CHLSN: variants seen among roughly 807,000 people sequenced by gnomAD.
CHLSN encodes the protein protein cholesin.
chr7:1,032,324 C>G, the CHLSN span, among the ~76,000 whole-genome samples: 1 of 152,200 alleles, frequency 6.6e-6, no homozygotes, highest in Admixed American at 6.5e-5. Context: ...GAGAAGGTGC[C>G]GTGGAGGCCT....
At chr7:1,023,250 G>A in the CHLSN span, among the ~76,000 whole-genome samples, 6 of 152,344 alleles carry the variant, frequency 3.9e-5, no homozygotes, top group South Asian at 1.2e-3. This position sits in a 1 kb window ranked among gnomAD's most constrained non-coding sequence, Gnocchi z 5.0. Flanking sequence ...CACGGGCTGA[G>A]CGCAAGTGAT....
chr7:1,073,471 C>T, the CHLSN span, among the ~76,000 whole-genome samples: 4 of 152,144 alleles, frequency 2.6e-5, no homozygotes, highest in East Asian at 5.8e-4. Context: ...GCCACAGCAT[C>T]GACCTGCTGC....
chr7:1,092,207 C>G, the CHLSN span: 1 of 1,613,120 alleles, frequency 6.2e-7, no homozygotes, highest in Non-Finnish European at 8.5e-7. Flanking sequence ...ATCGCCCTGG[C>G]CAGGGCCATG....
At chr7:1,060,488 T>G in the CHLSN span, among the ~76,000 whole-genome samples, 1 of 151,748 alleles carries the variant, frequency 6.6e-6, no homozygotes, top group African/African-American at 2.4e-5. Flanking sequence ...CCAGGGACAG[T>G]GGGGGTAGGG....
At chr7:1,015,826 A>G in the CHLSN span, among the ~76,000 whole-genome samples, 1 of 152,350 alleles carries the variant, frequency 6.6e-6, no homozygotes, top group African/African-American at 2.4e-5. Flanking sequence ...CCCACGGTGA[A>G]GCGAGGCCAA....
At chr7:1,016,081 ACACAGCAGCG>A in the CHLSN span, among the ~76,000 whole-genome samples, 23 of 70,184 alleles carry the variant, frequency 3.3e-4, 1 homozygote, top group African/African-American at 1.3e-3. Context: ...GCACAGCAGC[ACACAGCAGCG>A]CACAGCAGCA....
chr7:981,419 C>G, the CHLSN span, among the ~76,000 whole-genome samples: 1 of 151,994 alleles, frequency 6.6e-6, no homozygotes, highest in African/African-American at 2.4e-5. Flanking sequence ...GAGTTGAAGA[C>G]CAGCCTCTAG....
At chr7:1,009,897 C>G in the CHLSN span, 1 of 1,419,956 alleles carries the variant, frequency 7.0e-7, no homozygotes, top group Non-Finnish European at 9.4e-7. Context: ...CCCCCTCAGG[C>G]AGGGGTTGAG....
At chr7:1,017,000 GAGCACACAGC>G in the CHLSN span, among the ~76,000 whole-genome samples, 200 of 125,376 alleles carry the variant, frequency 1.6e-3, 8 homozygotes, top group Non-Finnish European at 2.6e-3. Context: ...CAGCGCACAG[GAGCACACAGC>G]AGCACACAGC....
the CHLSN span, among the ~76,000 whole-genome samples, chr7:1,110,851 A>C: frequency 6.8e-6 from 1 of 146,398 alleles, no homozygotes; most frequent in Non-Finnish European, 1.5e-5. Flanking sequence ...GGCAATTCAC[A>C]AAAAAAAACC....
At chr7:1,016,150 C>G in the CHLSN span, among the ~76,000 whole-genome samples, 7,407 of 91,516 alleles carry the variant, frequency 0.081, 1,569 homozygotes, top group African/African-American at 0.22. Context: ...CACACAGCAG[C>G]ACACGCCAGC....
the CHLSN span, among the ~76,000 whole-genome samples, chr7:995,006 A>AG: frequency 6.6e-6 from 1 of 152,202 alleles, no homozygotes; most frequent in African/African-American, 2.4e-5. Context: ...GACAGACGTG[A>AG]GGGACGGACG....
chr7:1,097,234 G>A, the CHLSN span, among the ~76,000 whole-genome samples: 4 of 152,186 alleles, frequency 2.6e-5, no homozygotes, highest in Admixed American at 2.6e-4. This position sits in a 1 kb window ranked among gnomAD's most constrained non-coding sequence, Gnocchi z 4.3. Context: ...CCACCCTCCA[G>A]AAGGGCCCAG....
chr7:979,769 C>T, the CHLSN span, among the ~76,000 whole-genome samples: 797 of 152,168 alleles, frequency 5.2e-3, 4 homozygotes, highest in African/African-American at 0.018. Flanking sequence ...AAGCAAGAGC[C>T]GTGGGCACCT....
At chr7:1,112,721 AAAG>A in the CHLSN span, among the ~76,000 whole-genome samples, 1 of 151,958 alleles carries the variant, frequency 6.6e-6, no homozygotes. Flanking sequence ...AAAAAAAAAA[AAAG>A]AAAAAGCGAT....
At chr7:1,063,422 G>C in the CHLSN span, among the ~76,000 whole-genome samples, 1 of 152,318 alleles carries the variant, frequency 6.6e-6, no homozygotes, top group African/African-American at 2.4e-5. Flanking sequence ...TGCTCCTGGG[G>C]TGTGCGTCAT....
At chr7:1,119,940 T>C in the CHLSN span, among the ~76,000 whole-genome samples, 1 of 151,734 alleles carries the variant, frequency 6.6e-6, no homozygotes, top group Admixed American at 6.6e-5. Flanking sequence ...ATCTTTCTTT[T>C]AGAACAAAAG....
At chr7:1,011,259 C>G in the CHLSN span, among the ~76,000 whole-genome samples, 1 of 147,446 alleles carries the variant, frequency 6.8e-6, no homozygotes, top group Non-Finnish European at 1.5e-5. Flanking sequence ...CACCCATACC[C>G]AACACACCCA....
chr7:1,076,861 C>T, the CHLSN span, among the ~76,000 whole-genome samples: 8 of 152,264 alleles, frequency 5.3e-5, no homozygotes, highest in Non-Finnish European at 7.3e-5. Flanking sequence ...TCCTGCACAG[C>T]CCACGCCCAA....
Sources: gnomAD v4.1 joint callset for allele counts (sites outside exome capture counted in the v4.1 genomes callset) on GRCh38, gnomAD v4.1.1 for gene constraint, Gnocchi (gnomAD v3.1) non-coding constraint, MANE v1.5 for transcripts, NCBI Gene and HGNC (gene_info 2026-07-23, HGNC 2026-07-21) for gene names.